The following GRM7 variants were observed in gnomAD, a reference collection of about 807,000 sequenced individuals.
The protein encoded by GRM7 is metabotropic glutamate receptor 7.
In GRM7, 35 loss-of-function variants were observed where a neutral mutation model predicts 84.5. That is an observed-to-expected ratio of 0.41 (90% CI 0.32 to 0.55). The LOEUF is 0.55. Ranked by LOEUF, GRM7 falls within the 20% of genes least tolerant of loss-of-function variation. The pLI, the probability that GRM7 is intolerant of heterozygous loss-of-function variation, is 0.19. For synonymous variants in GRM7, 487 were observed against 455.1 expected (o/e 1.07, Z -0.89); for missense variants, 1,003 against 1,194.6 (o/e 0.84, Z 2.36).
chr3:7,038,786 A>C (rs1331207091), intron 1 of GRM7, among the ~76,000 whole-genome samples: 2 of 152,194 alleles, frequency 1.3e-5, no homozygotes, highest in East Asian at 3.9e-4. Flanking sequence ...GGTGAGACTT[A>C]GAGGATTTTA....
At chr3:7,030,668 T>C (rs1180794912) in intron 1 of GRM7, among the ~76,000 whole-genome samples, 3 of 152,158 alleles carry the variant, frequency 2.0e-5, no homozygotes, top group African/African-American at 7.2e-5. Context: ...TCACCGGCTT[T>C]AGGAGATAGA....
intron 8 of GRM7, among the ~76,000 whole-genome samples, chr3:7,611,091 C>CCAATT (rs1696826736): frequency 2.0e-5 from 3 of 152,082 alleles, no homozygotes; most frequent in Non-Finnish European, 2.9e-5. Context: ...CAATTTAATT[C>CCAATT]TAATGTATAT....
At chr3:7,056,208 C>T (rs1253841453) in intron 1 of GRM7, among the ~76,000 whole-genome samples, 3 of 152,136 alleles carry the variant, frequency 2.0e-5, no homozygotes, top group South Asian at 2.1e-4. Flanking sequence ...TTTTCCCCAA[C>T]GCAGGGCTTC....
intron 6 of GRM7, among the ~76,000 whole-genome samples, chr3:7,454,070 A>G (rs1249417657): frequency 8.2e-5 from 12 of 146,910 alleles, no homozygotes; most frequent in Non-Finnish European, 1.5e-4. Context: ...CAAGAACCAT[A>G]CATGAAAAGC....
chr3:7,646,061 G>C (rs943866966), intron 8 of GRM7, among the ~76,000 whole-genome samples: 1 of 152,200 alleles, frequency 6.6e-6, no homozygotes, highest in Non-Finnish European at 1.5e-5. Context: ...AATCTAACGA[G>C]CAGCTCACGA....
chr3:7,504,318 A>G (rs952745519), intron 7 of GRM7, among the ~76,000 whole-genome samples: 1 of 152,188 alleles, frequency 6.6e-6, no homozygotes, highest in African/African-American at 2.4e-5. Flanking sequence ...TCTTCCCTCT[A>G]GGTAGCATAT....
chr3:7,590,385 A>G (rs1455708136), intron 8 of GRM7, among the ~76,000 whole-genome samples: 1 of 152,190 alleles, frequency 6.6e-6, no homozygotes, highest in African/African-American at 2.4e-5. Flanking sequence ...ATTGGAACAC[A>G]GCCTCATCCA....
At chr3:7,283,432 C>G (rs1699322457) in intron 2 of GRM7, among the ~76,000 whole-genome samples, 1 of 151,924 alleles carries the variant, frequency 6.6e-6, no homozygotes, top group South Asian at 2.1e-4. Context: ...AAAATAACTG[C>G]AAGTACCAAA....
chr3:7,152,708 C>G (rs187706729), intron 2 of GRM7, among the ~76,000 whole-genome samples: 91 of 152,330 alleles, frequency 6.0e-4, no homozygotes, highest in African/African-American at 2.1e-3. Context: ...TCATGGTCCT[C>G]TTTTGGATTG....
At chr3:7,128,248 T>C (rs1693467325) in intron 1 of GRM7, among the ~76,000 whole-genome samples, 1 of 151,948 alleles carries the variant, frequency 6.6e-6, no homozygotes. Flanking sequence ...AAAATGCATC[T>C]CATCATTTTG....
At chr3:7,600,852 A>G (rs1334560283) in intron 8 of GRM7, among the ~76,000 whole-genome samples, 1 of 152,158 alleles carries the variant, frequency 6.6e-6, no homozygotes, top group African/African-American at 2.4e-5. Flanking sequence ...GCTATTTTGT[A>G]TGCAAATCTC....
intron 2 of GRM7, among the ~76,000 whole-genome samples, chr3:7,280,845 C>G (rs1021136889): frequency 1.6e-4 from 25 of 152,114 alleles, no homozygotes; most frequent in South Asian, 6.2e-4. Flanking sequence ...CTATCTCCTT[C>G]TTTAAAGACC....
At chr3:7,160,658 C>A (rs1378641300) in intron 2 of GRM7, among the ~76,000 whole-genome samples, 1 of 152,166 alleles carries the variant, frequency 6.6e-6, no homozygotes, top group Non-Finnish European at 1.5e-5. Flanking sequence ...ACTAGCTCTT[C>A]TTTTTCCTCA....
intron 1 of GRM7, among the ~76,000 whole-genome samples, chr3:6,875,517 G>T (rs115546833): frequency 6.6e-6 from 1 of 152,028 alleles, no homozygotes; most frequent in Non-Finnish European, 1.5e-5. Flanking sequence ...CTCTTCATTC[G>T]CCTTCTGCCA....
intron 1 of GRM7, among the ~76,000 whole-genome samples, chr3:7,128,337 T>G (rs944904722): frequency 2.0e-5 from 3 of 151,804 alleles, no homozygotes; most frequent in African/African-American, 7.3e-5. Flanking sequence ...TGACTCAAGT[T>G]TGACTGCTGA....
intron 1 of GRM7, among the ~76,000 whole-genome samples, chr3:7,102,977 C>T (rs1699165645): frequency 6.6e-6 from 1 of 151,316 alleles, no homozygotes; most frequent in South Asian, 2.1e-4. Flanking sequence ...TCCTTTAAGG[C>T]TTCAATATAT....
At position 7,423,254 on chromosome 3, in the gene GRM7, G is replaced by T. The variant is rs1163341711; in HGVS notation, c.1174+8091G>T. ...CAGTGAAACACCAACTTGAAATCCC[G>T]GGAGTATTCAGGCAAAGCTCTTTCC... is the stretch of plus-strand genomic sequence containing the variant. On this transcript the variant is annotated intron_variant, in intron 5 of 9. Coordinates refer to ENST00000357716, the MANE Select transcript of GRM7 (RefSeq NM_000844.4). Among the ~76,000 whole-genome samples the T allele has an allele frequency of 3.9e-5, 6 of 152,248 alleles. No individual in the cohort carries two copies. The East Asian group carries it at 1.2e-3, about 29-fold the overall frequency.
intron 8 of GRM7, among the ~76,000 whole-genome samples, chr3:7,589,265 TTA>T (rs1695664235): frequency 6.6e-6 from 1 of 152,232 alleles, no homozygotes; most frequent in Non-Finnish European, 1.5e-5. Flanking sequence ...ACCTTGTGCA[TTA>T]TGTTTTTAAA....
intron 1 of GRM7, among the ~76,000 whole-genome samples, chr3:7,071,935 C>A: frequency 6.6e-6 from 1 of 151,924 alleles, no homozygotes; most frequent in East Asian, 1.9e-4. Context: ...TCTCAGAGAA[C>A]GGTCTACCAA....
Sources: gnomAD v4.1 joint callset for allele counts (sites outside exome capture counted in the v4.1 genomes callset) on GRCh38, gnomAD v4.1.1 for gene constraint, MANE v1.5 for transcripts, NCBI Gene and HGNC (gene_info 2026-07-23, HGNC 2026-07-21) for gene names.